TMEM242: variants seen among roughly 807,000 people sequenced by gnomAD.
TMEM242 encodes UPF0463 transmembrane protein C6orf35.
TMEM242 carries 10 observed loss-of-function variants against 18.2 expected under a neutral mutation model. The ratio of observed to expected loss-of-function variants is 0.55; its 90% CI spans 0.34 to 0.93. The LOEUF (loss-of-function observed/expected upper bound fraction) is 0.93. Ranked by LOEUF, TMEM242 falls within the 40% of genes least tolerant of loss-of-function variation. The pLI is 0.02. For synonymous variants in TMEM242, 57 were observed against 69.9 expected (o/e 0.81, Z 0.92); for missense variants, 186 against 175.5 (o/e 1.06, Z -0.34).
At chr6:157,307,946 C>T (rs587647925) in intron 3 of TMEM242, among the ~76,000 whole-genome samples, 14 of 152,228 alleles carry the variant, frequency 9.2e-5, no homozygotes, top group Non-Finnish European at 1.2e-4. Context: ...TCTGGAAGCA[C>T]TGAAATTAGA....
intron 3 of TMEM242, among the ~76,000 whole-genome samples, chr6:157,314,313 C>A (rs1554250109): frequency 1.4e-5 from 2 of 146,862 alleles, no homozygotes; most frequent in African/African-American, 2.5e-5. Flanking sequence ...CACCTGGCCT[C>A]ATCATAGTGT....
At chr6:157,319,710 T>G (rs188121145) in intron 2 of TMEM242, among the ~76,000 whole-genome samples, 1 of 152,226 alleles carries the variant, frequency 6.6e-6, no homozygotes, top group East Asian at 1.9e-4. Context: ...TTTATCATTT[T>G]AATGTCCTCT....
chr6:157,308,096 A>C (rs889758884), intron 3 of TMEM242, among the ~76,000 whole-genome samples: 1 of 152,212 alleles, frequency 6.6e-6, no homozygotes, highest in Non-Finnish European at 1.5e-5. Context: ...ATGAAAGTAC[A>C]TAGCCCTTAA....
At chr6:157,313,358 C>G (rs1554249723) in intron 3 of TMEM242, among the ~76,000 whole-genome samples, 2 of 144,470 alleles carry the variant, frequency 1.4e-5, no homozygotes, top group Admixed American at 6.8e-5. Flanking sequence ...GTGCGCTCAC[C>G]TGGCCTCATC....
At chr6:157,295,866 C>T (rs1047443745) in intron 3 of TMEM242, among the ~76,000 whole-genome samples, 4 of 152,140 alleles carry the variant, frequency 2.6e-5, no homozygotes, top group African/African-American at 9.7e-5. Flanking sequence ...GAAACGCAGA[C>T]ATTTAAGATA....
rs908835092 is a variant in TMEM242 at position 157,291,955 on chromosome 6, C to T, written c.*946G>A. ...TGCAGTAAAAACAATTGCATGTAGACATTATTCTCCATCTGTTTTTTTTGT... is the reference window on the plus strand; with the variant it reads ...TGCAGTAAAAACAATTGCATGTAGATATTATTCTCCATCTGTTTTTTTTGT... On this transcript the variant is annotated 3_prime_UTR_variant, in exon 4 of 4. Transcript: ENST00000400788. 3.3e-5 allele frequency: 5 copies of T among 152,098 alleles called. No individual in the cohort carries two copies. Among genetic ancestry groups the T allele is most frequent in the Non-Finnish European group, 4.4e-5 (3 of 68,026 alleles). The allele number at this position is 152,098 out of a possible 1,614,324, so 9.4% of individuals were successfully genotyped here.
intron 2 of TMEM242, among the ~76,000 whole-genome samples, chr6:157,322,483 T>C (rs1778511966): frequency 6.6e-6 from 1 of 152,208 alleles, no homozygotes; most frequent in East Asian, 1.9e-4. Context: ...AGATAAGCTT[T>C]CAAAGTCTTG....
intron 3 of TMEM242, among the ~76,000 whole-genome samples, chr6:157,317,325 GT>G (rs1778409837): frequency 6.6e-6 from 1 of 152,082 alleles, no homozygotes; most frequent in Non-Finnish European, 1.5e-5. Flanking sequence ...TGAATCATCA[GT>G]CCTCATCTTA....
chr6:157,307,753 C>T lies in TMEM242; in HGVS notation c.327+11029G>A, dbSNP rs149790129. On this transcript the variant is annotated intron_variant, in intron 3 of 3. Coordinates refer to ENST00000400788, the MANE Select transcript of TMEM242 (RefSeq NM_018452.6). ...TGATTCCAGGAAAATATTCCCCAGT[C>T]CTCAAGCTGTTTGAAGGCCCAAGAG... Among the ~76,000 whole-genome samples, 361 of 152,296 alleles carry T rather than the reference C, an allele frequency of 2.4e-3. 1 individual carries two copies. The highest frequency in any genetic ancestry group is 7.7e-3 in the African/African-American group (321 of 41,564).
Position 157,289,892 on chromosome 6 carries a change from T to C in TMEM242, c.*3009A>G, listed in dbSNP as rs1212914109. The C allele has an allele frequency of 6.6e-6, 1 of 152,206 alleles. No homozygotes were observed. The highest frequency in any genetic ancestry group is 1.5e-5 in the Non-Finnish European group (1 of 68,036). The allele number at this position is 152,206 out of a possible 1,614,324, so 9.4% of individuals were successfully genotyped here. ...CCTGACGCGAGGGTGGTGGTGGAGA[T>C]GGCCCACGACCCTCTCAGCAGCCAC... On this transcript the variant is annotated 3_prime_UTR_variant, in exon 4 of 4. Transcript: ENST00000400788.
chr6:157,308,710 C>G (rs1292897221), intron 3 of TMEM242, among the ~76,000 whole-genome samples: 3 of 151,138 alleles, frequency 2.0e-5, no homozygotes, highest in Non-Finnish European at 2.9e-5. Context: ...AAAAGCCTTT[C>G]TAGCAGCAGG....
At chr6:157,300,115 A>T (rs1166017595) in intron 3 of TMEM242, 15 of 638,282 alleles carry the variant, frequency 2.4e-5, no homozygotes, top group East Asian at 1.6e-4. Flanking sequence ...CAACAGACAC[A>T]GTCCAACTCA....
At chr6:157,320,232 A>C in intron 2 of TMEM242, among the ~76,000 whole-genome samples, 1 of 152,178 alleles carries the variant, frequency 6.6e-6, no homozygotes, top group East Asian at 1.9e-4. Context: ...AGGGGTTCTC[A>C]AACTACCTGG....
In TMEM242 at chr6:157,323,505, G is replaced by C; in HGVS notation, c.-6C>G. The C allele has an allele frequency of 1.2e-6, 2 of 1,613,418 alleles. No homozygotes were observed. Among genetic ancestry groups the C allele is most frequent in the East Asian group, 2.2e-5 (1 of 44,862 alleles). Reference sequence around the variant, plus strand: ...GCAGCGCCCGCTGTCTCCATGTTTAGGTCGCCTCTAGTGCGTCCGTCCCCA... The same window carrying C: ...GCAGCGCCCGCTGTCTCCATGTTTACGTCGCCTCTAGTGCGTCCGTCCCCA... On this transcript the variant is annotated 5_prime_UTR_variant, in exon 1 of 4. Coordinates refer to ENST00000400788, the MANE Select transcript of TMEM242 (RefSeq NM_018452.6).
intron 3 of TMEM242, among the ~76,000 whole-genome samples, chr6:157,311,078 G>A (rs1778045361): frequency 6.9e-6 from 1 of 145,636 alleles, no homozygotes; most frequent in Admixed American, 6.8e-5. Context: ...GCCCCAGTGT[G>A]CTCACACCTA....
chr6:157,300,807 C>G (rs191802501), intron 3 of TMEM242, among the ~76,000 whole-genome samples: 64 of 152,152 alleles, frequency 4.2e-4, no homozygotes, highest in Non-Finnish European at 8.2e-4. Flanking sequence ...TTGTGCGTCC[C>G]GAAGAAAAAC....
At chr6:157,297,057 G>T (rs1373652317) in intron 3 of TMEM242, among the ~76,000 whole-genome samples, 1 of 152,202 alleles carries the variant, frequency 6.6e-6, no homozygotes, top group Non-Finnish European at 1.5e-5. Context: ...GGCCAGGAGT[G>T]AGGCCAACCA....
chr6:157,297,833 A>C (rs782445973), intron 3 of TMEM242, among the ~76,000 whole-genome samples: 2 of 152,372 alleles, frequency 1.3e-5, no homozygotes, highest in Non-Finnish European at 2.9e-5. Flanking sequence ...CAACTGCATT[A>C]GGAAAGCGAA....
rs1250393738 is a variant in TMEM242, at chr6:157,305,604, A to G, written c.328-12605T>C. 6.6e-6 allele frequency among the ~76,000 whole-genome samples: 1 copy of G among 152,146 alleles called. No homozygotes were observed. Among genetic ancestry groups the G allele is most frequent in the Non-Finnish European group, 1.5e-5 (1 of 68,036 alleles). ...ACTGGACGAAAGAGCCAAGGGGCGG[A>G]GGATAGATGGAGGACAGAAGAGTTT... is the stretch of plus-strand genomic sequence containing the variant. On this transcript the variant is annotated intron_variant, in intron 3 of 3. Transcript: ENST00000400788. This position sits in a 1 kb window ranked among gnomAD's most constrained non-coding sequence, Gnocchi z 4.1.
Sources: allele counts gnomAD v4.1 joint callset (sites outside exome capture counted in the v4.1 genomes callset), GRCh38; gene constraint gnomAD v4.1.1; non-coding constraint Gnocchi (gnomAD v3.1); transcripts MANE v1.5; gene names NCBI Gene and HGNC (gene_info 2026-07-23, HGNC 2026-07-21).